AGBL1: variants seen among roughly 807,000 people sequenced by gnomAD.
The protein encoded by AGBL1 is AGBL carboxypeptidase 1, also known as cytosolic carboxypeptidase 4.
AGBL1 carries 130 observed loss-of-function variants against 118.9 expected under a neutral mutation model. The ratio of observed to expected loss-of-function variants is 1.09; its 90% confidence interval spans 0.95 to 1.26. The LOEUF (loss-of-function observed/expected upper bound fraction) is 1.26. AGBL1 is among the 50% of genes most tolerant of loss of function. The pLI is 0.00. For missense variants in AGBL1, 1,584 were observed against 1,298.1 expected (o/e 1.22, Z -3.38); for synonymous variants, 555 against 478.9 (o/e 1.16, Z -2.08).
At chr15:87,008,550 G>A (rs2141776333) in intron 24 of AGBL1, among the ~76,000 whole-genome samples, 1 of 152,334 alleles carries the variant, frequency 6.6e-6, no homozygotes, top group East Asian at 1.9e-4. Flanking sequence ...TACCAGTAGA[G>A]TGGGGCACTG....
intron 21 of AGBL1, among the ~76,000 whole-genome samples, chr15:86,649,709 T>C (rs1336085411): frequency 6.6e-6 from 1 of 150,440 alleles, no homozygotes; most frequent in Non-Finnish European, 1.5e-5. Flanking sequence ...TTGGGTTTTT[T>C]TTCTTTTTAC....
At position 86,944,428 on chromosome 15, in the gene AGBL1, C is replaced by G. The variant is rs540938433; in HGVS notation, c.3222-43559C>G. 1.6e-4 allele frequency among the ~76,000 whole-genome samples: 24 copies of G among 152,176 alleles called. No homozygotes were observed. The South Asian group carries it at 4.6e-3, about 29-fold the overall frequency. ...GCAGGCATGTTTCAGGATGGCCGAC[C>G]AGCATGTGCAGGGAAAGCATGGCAC... On this transcript the variant is annotated intron_variant, in intron 23 of 24. Transcript: ENST00000441037.
rs1408548090 is a variant in AGBL1, at chr15:86,612,457, G to A, written c.2994+57920G>A. Among the ~76,000 whole-genome samples the A allele has an allele frequency of 2.6e-5, 4 of 150,990 alleles. No homozygotes were observed. The Admixed American group carries it at 2.7e-4, about 10-fold the overall frequency. ...GGGGTCGGGGGAGGGGAAGGATGGG[G>A]GTCTGACATGCCTCATCACACCCTC... On this transcript the variant is annotated intron_variant, in intron 21 of 22. Transcript: ENST00000614907.
chr15:87,016,809 C>T (rs901065102), intron 24 of AGBL1, among the ~76,000 whole-genome samples: 2 of 152,152 alleles, frequency 1.3e-5, no homozygotes, highest in African/African-American at 4.8e-5. Flanking sequence ...AATCATGCTT[C>T]TCCCACAGAT....
chr15:86,935,508 G>A (rs754547364), intron 23 of AGBL1, among the ~76,000 whole-genome samples: 2 of 152,082 alleles, frequency 1.3e-5, no homozygotes, highest in Admixed American at 6.5e-5. Context: ...CTCCTTCAGG[G>A]GCAAGCTGGG....
chr15:86,987,709 G>C (rs547909444), intron 23 of AGBL1, among the ~76,000 whole-genome samples: 2 of 151,806 alleles, frequency 1.3e-5, no homozygotes, highest in Non-Finnish European at 1.5e-5. Context: ...TCATAACTAC[G>C]GTACCATACA....
rs1555451585 is a variant in AGBL1 at position 86,801,310 on chromosome 15, C to CATCTAT, written c.3159-105776_3159-105771dup. Among the ~76,000 whole-genome samples, 570 of 147,314 alleles carry CATCTAT rather than the reference C, an allele frequency of 3.9e-3. 5 individuals carry two copies. The highest frequency in any genetic ancestry group is 0.014 in the Middle Eastern group (4 of 286). ...CTTGGCTTATAACTGTTGATGATTA[C>CATCTAT]ATCTATCTATCTATCTATCTATCTA... On this transcript the variant is annotated intron_variant, in intron 22 of 22. Transcript: ENST00000614907.
intron 18 of AGBL1, among the ~76,000 whole-genome samples, chr15:86,509,857 A>G (rs985851365): frequency 7.0e-6 from 1 of 142,272 alleles, no homozygotes; most frequent in African/African-American, 2.5e-5. Context: ...CAACAGCAAA[A>G]CAAACAAAAC....
intron 22 of AGBL1, among the ~76,000 whole-genome samples, chr15:86,679,650 ACT>A (rs10537695): frequency 0.2 from 30,525 of 151,918 alleles, 4,037 homozygotes; most frequent in South Asian, 0.42. Flanking sequence ...AATGAGAATG[ACT>A]CTAAGCATTT....
At chr15:86,920,970 G>A (rs2080476625), downstream of AGBL1, among the ~76,000 whole-genome samples, 1 of 152,176 alleles carries the variant, frequency 6.6e-6, no homozygotes, top group African/African-American at 2.4e-5. Flanking sequence ...ATTGGAGAAA[G>A]GAGGGCATTC....
chr15:86,438,851 G>A lies in AGBL1; in HGVS notation c.2555+41305G>A, dbSNP rs780306033. 3.3e-5 allele frequency among the ~76,000 whole-genome samples: 5 copies of A among 151,732 alleles called. No individual in the cohort carries two copies. In the South Asian group the frequency reaches 8.3e-4, roughly 25 times the overall value. ...TAATTTTTATATTTTTAGTAGAATC[G>A]GGGTTTCACCATGTTGGCCAGGCTG... On this transcript the variant is annotated intron_variant, in intron 18 of 22. Coordinates refer to ENST00000614907, the MANE Select transcript of AGBL1 (RefSeq NM_001386094.1).
intron 24 of AGBL1, among the ~76,000 whole-genome samples, chr15:87,018,429 T>C (rs775257529): frequency 6.6e-6 from 1 of 152,076 alleles, no homozygotes; most frequent in Non-Finnish European, 1.5e-5. Context: ...GAAGAAATCC[T>C]ACAAGCCAGA....
intron 22 of AGBL1, among the ~76,000 whole-genome samples, chr15:86,884,337 G>T (rs1453347752): frequency 6.6e-6 from 1 of 152,080 alleles, no homozygotes; most frequent in Admixed American, 6.5e-5. Context: ...GGATGGAGTG[G>T]GACGACACAA....
chr15:86,842,093 G>GA (rs898217564), intron 22 of AGBL1, among the ~76,000 whole-genome samples: 1 of 143,584 alleles, frequency 7.0e-6, no homozygotes, highest in African/African-American at 2.6e-5. Flanking sequence ...TCTTGCAGAA[G>GA]AAAAAAATAC....
At position 86,096,146 on chromosome 15, in the gene AGBL1, G is replaced by GC. The variant is rs533174859; in HGVS notation, c.51+16125dup. On this transcript the variant is annotated intron_variant, in intron 1 of 22. Coordinates refer to ENST00000614907, the MANE Select transcript of AGBL1 (RefSeq NM_001386094.1). Reference sequence around the variant, plus strand: ...TATTTAAGGTGAAACTTTTTATATAGCCATAGTATAGCAGTAGCACTTAGC... The same window carrying GC: ...TATTTAAGGTGAAACTTTTTATATAGCCCATAGTATAGCAGTAGCACTTAGC... 7.4e-4 allele frequency among the ~76,000 whole-genome samples: 112 copies of GC among 151,922 alleles called. 1 individual carries two copies. The South Asian group carries it at 9.0e-3, about 12-fold the overall frequency.
In AGBL1 at chr15:86,307,697, T is replaced by A. The variant is rs187697952; in HGVS notation, c.2374+12289T>A. Among the ~76,000 whole-genome samples, 205 of 151,986 alleles carry A rather than the reference T, an allele frequency of 1.3e-3. 1 individual carries two copies. The highest frequency in any genetic ancestry group is 4.8e-3 in the African/African-American group (198 of 41,448). On this transcript the variant is annotated intron_variant, in intron 17 of 22. Coordinates refer to ENST00000614907, the MANE Select transcript of AGBL1 (RefSeq NM_001386094.1). ...TGGGAGAATCACTTGGGCCTAGGAG[T>A]TTGAGTCTAGTCTGGACAGTATAGT... is the stretch of plus-strand genomic sequence containing the variant.
At chr15:86,770,668 G>A (rs971456923) in intron 22 of AGBL1, among the ~76,000 whole-genome samples, 8 of 151,910 alleles carry the variant, frequency 5.3e-5, no homozygotes, top group Non-Finnish European at 1.2e-4. Context: ...AGGACAATTA[G>A]GAGTTTTCCA....
intron 1 of AGBL1, among the ~76,000 whole-genome samples, chr15:86,132,663 A>C (rs1363115494): frequency 6.6e-6 from 1 of 152,180 alleles, no homozygotes; most frequent in Non-Finnish European, 1.5e-5. Context: ...CCTTTTAGGC[A>C]TGTGAGGTTG....
At chr15:86,269,572 A>C (rs1220861257) in intron 13 of AGBL1, among the ~76,000 whole-genome samples, 2 of 152,224 alleles carry the variant, frequency 1.3e-5, no homozygotes, top group East Asian at 1.9e-4. Flanking sequence ...TAGACATTTC[A>C]ATTACCCTGA....
Sources: allele counts gnomAD v4.1 joint callset (sites outside exome capture counted in the v4.1 genomes callset), GRCh38; gene constraint gnomAD v4.1.1; transcripts MANE v1.5; gene names NCBI Gene and HGNC (gene_info 2026-07-23, HGNC 2026-07-21).